PKHD1: variants seen among roughly 807,000 people sequenced by gnomAD.
PKHD1 encodes the protein PKHD1 ciliary IPT domain containing fibrocystin/polyductin, also known as fibrocystin.
A neutral mutation model predicts 412.0 loss-of-function variants in PKHD1; 291 were observed. The observed-to-expected ratio is 0.71, with a 90% CI of 0.64 to 0.78. PKHD1 has a LOEUF of 0.78. Ranked by LOEUF, PKHD1 falls within the 30% of genes least tolerant of loss-of-function variation. The pLI is 0.00. For synonymous variants in PKHD1, 1,777 were observed against 1,821.5 expected (o/e 0.98, Z 0.62); for missense variants, 4,825 against 4,950.7 (o/e 0.97, Z 0.76).
At chr6:51,739,984 A>G (rs748653058) in intron 60 of PKHD1, 56 of 518,848 alleles carry the variant, frequency 1.1e-4, no homozygotes, top group Admixed American at 2.9e-4. Flanking sequence ...GCCTAATTCT[A>G]CCTGAATGGG....
At chr6:51,917,367 A>G (rs1223302099) in intron 37 of PKHD1, among the ~76,000 whole-genome samples, 2 of 152,146 alleles carry the variant, frequency 1.3e-5, no homozygotes, top group African/African-American at 4.8e-5. Flanking sequence ...ATAGCAAAAC[A>G]TTAGATGCTG....
intron 23 of PKHD1, among the ~76,000 whole-genome samples, chr6:52,047,722 T>C (rs1053782357): frequency 6.6e-6 from 1 of 152,168 alleles, no homozygotes; most frequent in Non-Finnish European, 1.5e-5. Flanking sequence ...GACCCAGGAA[T>C]CAAATACCTG....
In PKHD1 at chr6:52,062,641, A is replaced by C. The variant is rs1258103640; in HGVS notation, c.996T>G (p.Phe332Leu). ...TPQPGNRGLLFEVGDAVEGLE... is the reference protein window; with the variant it reads ...TPQPGNRGLLLEVGDAVEGLE... ...GTCCCTCAACAGCATCTCCAACTTC[A>C]AAAAGAAGCCCTCGATTGCCTGTAA... The change falls in exon 14 of 67, where the codon TTT becomes TTG. Residue 332 changes from phenylalanine to leucine, a missense_variant. Coordinates refer to ENST00000371117, the MANE Select transcript of PKHD1 (RefSeq NM_138694.4). 6.2e-7 allele frequency: 1 copy of C among 1,614,032 alleles called. No individual in the cohort carries two copies. Among genetic ancestry groups the C allele is most frequent in the Non-Finnish European group, 8.5e-7 (1 of 1,179,990 alleles).
intron 59 of PKHD1, 140 bp downstream of exon 59, chr6:51,746,581 T>G: frequency 1.5e-6 from 1 of 649,784 alleles, no homozygotes; most frequent in Non-Finnish European, 2.7e-6. Context: ...GAATTGGTCA[T>G]TAAGTTAATG....
At chr6:51,796,277 T>G (rs1794578669) in intron 52 of PKHD1, among the ~76,000 whole-genome samples, 1 of 152,174 alleles carries the variant, frequency 6.6e-6, no homozygotes, top group African/African-American at 2.4e-5. Context: ...CTCCCAAATT[T>G]TCTACTTTAT....
intron 35 of PKHD1, among the ~76,000 whole-genome samples, chr6:52,006,308 G>A (rs1334968608): frequency 1.3e-5 from 2 of 151,766 alleles, no homozygotes; most frequent in Admixed American, 6.6e-5. Flanking sequence ...CCAAGTTGCT[G>A]GGATTACAGG....
At chr6:51,848,155 T>C (rs1182238720) in intron 49 of PKHD1, among the ~76,000 whole-genome samples, 185 bp from the exon 50 acceptor site, 1 of 152,144 alleles carries the variant, frequency 6.6e-6, no homozygotes, top group Non-Finnish European at 1.5e-5. Context: ...ATCTACTTCA[T>C]AAAAAATTCA....
Position 51,709,849 on chromosome 6 carries a change from A to ATTTTT in PKHD1, c.10156+34531_10156+34535dup, listed in dbSNP as rs10636108. On this transcript the variant is annotated intron_variant, in intron 60 of 66. Transcript: ENST00000371117. ...TGTACCTGACATCTATGCTTTAGTCATTTTTTTTTTTTTTTTACATAACTG... is the reference window on the plus strand; with the variant it reads ...TGTACCTGACATCTATGCTTTAGTCATTTTTTTTTTTTTTTTTTTTTACATAACTG... Among the ~76,000 whole-genome samples the ATTTTT allele has an allele frequency of 3.2e-3, 462 of 142,330 alleles. 5 individuals carry two copies. The highest frequency in any genetic ancestry group is 0.011 in the African/African-American group (429 of 38,432). 93.4% of individuals were successfully genotyped at this position (142,330 alleles called of 152,430 possible).
intron 52 of PKHD1, among the ~76,000 whole-genome samples, chr6:51,804,070 G>C (rs927857): frequency 0.61 from 91,487 of 150,812 alleles, 28,718 homozygotes; most frequent in East Asian, 0.83. Flanking sequence ...GTATTTGCTT[G>C]TGATACCCAC....
intron 60 of PKHD1, among the ~76,000 whole-genome samples, chr6:51,743,963 C>G (rs946843658): frequency 6.6e-6 from 1 of 152,152 alleles, no homozygotes; most frequent in Non-Finnish European, 1.5e-5. Flanking sequence ...CACATGACAT[C>G]TACCCTACCA....
intron 54 of PKHD1, 95 bp from the exon 55 acceptor site, chr6:51,772,884 C>T (rs567543925): frequency 5.2e-6 from 4 of 762,988 alleles, no homozygotes; most frequent in Non-Finnish European, 9.6e-6. Context: ...TTGTGCAAAA[C>T]ATGTGATATA....
intron 40 of PKHD1, among the ~76,000 whole-genome samples, chr6:51,908,037 C>G (rs1466665051): frequency 6.6e-6 from 1 of 152,046 alleles, no homozygotes; most frequent in Non-Finnish European, 1.5e-5. Context: ...GACAGCTACC[C>G]TCTTTTTTAC....
intron 60 of PKHD1, among the ~76,000 whole-genome samples, chr6:51,663,695 C>T (rs957484806): frequency 6.6e-6 from 1 of 152,086 alleles, no homozygotes; most frequent in African/African-American, 2.4e-5. Context: ...TTATAAGACT[C>T]TTACTCTATA....
intron 53 of PKHD1, among the ~76,000 whole-genome samples, chr6:51,785,210 C>T (rs1792670049): frequency 6.6e-6 from 1 of 152,092 alleles, no homozygotes; most frequent in South Asian, 2.1e-4. Context: ...TGGAAAATCA[C>T]CATATCAGAG....
Position 51,975,963 on chromosome 6 carries a change from T to TGAAAAAAAAAAAAAAAAAA in PKHD1, c.5752-15938_5752-15937insTTTTTTTTTTTTTTTTTTC, listed in dbSNP as rs1231391714. On this transcript the variant is annotated intron_variant, in intron 35 of 66. Coordinates refer to ENST00000371117, the MANE Select transcript of PKHD1 (RefSeq NM_138694.4). ...AACATAGCGAGACCCTTTCTCTAAT[T>TGAAAAAAAAAAAAAAAAAA]AAAAAAAAAAAAAAAAAAAAAAAAA... 11 of 69,776 alleles carry TGAAAAAAAAAAAAAAAAAA rather than the reference T, an allele frequency of 1.6e-4. 1 individual carries two copies. The highest frequency in any genetic ancestry group is 3.8e-4 in the African/African-American group (7 of 18,508). The allele number at this position is 69,776 out of a possible 1,614,324, so 4.3% of individuals were successfully genotyped here. A position where few individuals can be genotyped will look rare whatever the true frequency, so the allele number is the denominator to read the frequency against.
intron 51 of PKHD1, among the ~76,000 whole-genome samples, chr6:51,832,321 T>C (rs895921947): frequency 6.6e-6 from 1 of 151,982 alleles, no homozygotes; most frequent in Non-Finnish European, 1.5e-5. Flanking sequence ...GAGGTTGTGA[T>C]GAGTGTATGA....
intron 33 of PKHD1, among the ~76,000 whole-genome samples, chr6:52,019,778 A>C (rs1407907785): frequency 6.6e-6 from 1 of 152,268 alleles, no homozygotes; most frequent in Non-Finnish European, 1.5e-5. Flanking sequence ...TGCTCATTTT[A>C]AACAAACACA....
At chr6:51,755,371 A>C (rs961693893) in intron 55 of PKHD1, among the ~76,000 whole-genome samples, 5 of 152,184 alleles carry the variant, frequency 3.3e-5, no homozygotes, top group Non-Finnish European at 5.9e-5. Context: ...ACAACTTTTC[A>C]TCATGTGTTA....
chr6:51,787,338 A>C (rs1793040480), intron 53 of PKHD1, among the ~76,000 whole-genome samples: 1 of 150,422 alleles, frequency 6.6e-6, no homozygotes, highest in Admixed American at 6.7e-5. Flanking sequence ...CAGCCTGGGC[A>C]ATAAGAGCAA....
Sources: gnomAD v4.1 joint callset for allele counts (sites outside exome capture counted in the v4.1 genomes callset) on GRCh38, gnomAD v4.1.1 for gene constraint, MANE v1.5 for transcripts, NCBI Gene and HGNC (gene_info 2026-07-23, HGNC 2026-07-21) for gene names.